The following CD22 variants were observed in gnomAD, a reference collection of about 807,000 sequenced individuals.
The protein encoded by CD22 is CD22 molecule, also known as B-cell receptor CD22.
A neutral mutation model predicts 94.7 loss-of-function variants in CD22; 51 were observed. The observed-to-expected ratio is 0.54, with a 90% CI of 0.43 to 0.68. The LOEUF is 0.68. Among genes scored for constraint, CD22 ranks in the 30% least tolerant of loss-of-function variants. The probability of loss-of-function intolerance (pLI) is 0.00; values close to 1 mark genes in which losing one functional copy is unlikely to be tolerated. For synonymous variants in CD22, 424 were observed against 422.5 expected (o/e 1.00, Z -0.04); for missense variants, 931 against 1,060.4 (o/e 0.88, Z 1.69).
rs770828068 is a variant in CD22 at position 35,331,992 on chromosome 19, C to T, written c.-22-27C>T. 12 of 1,613,472 alleles carry T rather than the reference C, an allele frequency of 7.4e-6. No homozygotes were observed. The African/African-American group carries it at 1.2e-4, about 16-fold the overall frequency. ...GTGGAAGAAGTAAGCGGCCAGATGG[C>T]TCAAAGACAAACTCTCCCCTGCTCA... On this transcript the variant is annotated intron_variant, in intron 1 of 13. Coordinates refer to ENST00000085219, the MANE Select transcript of CD22 (RefSeq NM_001771.4).
intron 9 of CD22, among the ~76,000 whole-genome samples, chr19:35,342,739 T>C (rs1397255643): frequency 6.6e-6 from 1 of 152,162 alleles, no homozygotes; most frequent in Non-Finnish European, 1.5e-5. Context: ...TCCTACTGGG[T>C]CCCTGTCTCT....
In CD22 at chr19:35,332,557, C is replaced by T. The variant is rs771006457; in HGVS notation, c.45C>T (p.Tyr15=). ...GPWLLLLVLE[Y]LAFSDSSKWV... ...GATCACTGTGGTGAGTTCTAGAATA[C>T]TTGGCTTTCTCTGACTCAAGTAAAT... The change falls in exon 3 of 14, where the codon TAC becomes TAT. Residue 15 remains tyrosine, a synonymous_variant. Transcript: ENST00000085219. The T allele has an allele frequency of 3.7e-6, 6 of 1,612,374 alleles. No homozygotes were observed. Among genetic ancestry groups the T allele is most frequent in the Admixed American group, 3.4e-5 (2 of 59,648 alleles).
chr19:35,333,619 G>A (rs962134084), intron 3 of CD22, among the ~76,000 whole-genome samples: 5 of 151,958 alleles, frequency 3.3e-5, no homozygotes, highest in Admixed American at 2.6e-4. Context: ...GTGCAGTGGC[G>A]CGATCTCAGC....
rs2066730652 is a variant in CD22 at position 35,336,722 on chromosome 19, G to A, written c.718+381G>A. 5 of 226,064 alleles carry A rather than the reference G, an allele frequency of 2.2e-5. No individual in the cohort carries two copies. The South Asian group carries it at 4.1e-4, about 18-fold the overall frequency. The allele number at this position is 226,064 out of a possible 1,614,324, so 14.0% of individuals were successfully genotyped here. A position where few individuals can be genotyped will look rare whatever the true frequency, so the allele number is the denominator to read the frequency against. ...GGCATGGGGCGGTGGGCAGGGTGCA[G>A]CAGTGAGCAAAACTCTTGCCCCACG... On this transcript the variant is annotated intron_variant, in intron 4 of 13. Coordinates refer to ENST00000085219, the MANE Select transcript of CD22 (RefSeq NM_001771.4).
intron 1 of CD22, 32 bp from the exon 2 acceptor site, chr19:35,331,987 G>C: frequency 6.2e-7 from 1 of 1,613,608 alleles, no homozygotes; most frequent in Middle Eastern, 1.7e-4. Context: ...TAAGCGGCCA[G>C]ATGGCTCAAA....
rs1195098390 is a variant in CD22, at chr19:35,342,058, CTTT to C, written c.2035+94_2035+96del. 5.0e-5 allele frequency: 55 copies of C among 1,094,104 alleles called. No homozygotes were observed. In the South Asian group the frequency reaches 5.6e-4, roughly 11 times the overall value. 67.8% of individuals were successfully genotyped at this position (1,094,104 alleles called of 1,614,324 possible). On this transcript the variant is annotated intron_variant, in intron 9 of 13. Transcript: ENST00000085219. ...CCTTCCTTCCTTCCTTCCTTCCTTT[CTTT>C]CTCTCTTTCTTTTCCTCCTCCTCTT...
At chr19:35,335,422 TG>T (rs1379477313) in intron 3 of CD22, among the ~76,000 whole-genome samples, 2 of 151,762 alleles carry the variant, frequency 1.3e-5, no homozygotes, top group Non-Finnish European at 2.9e-5. Flanking sequence ...CTAGGTGTGG[TG>T]GCACATGCCT....
At chr19:35,338,126 T>G (rs1599680580) in intron 5 of CD22, 42 bp from the exon 6 acceptor site, 1 of 1,580,318 alleles carries the variant, frequency 6.3e-7, no homozygotes, top group African/African-American at 1.3e-5. Flanking sequence ...AGGTTGGGGG[T>G]GCTCTCCTCA....
intron 6 of CD22, among the ~76,000 whole-genome samples, chr19:35,340,552 T>C (rs952016477): frequency 1.3e-5 from 2 of 152,122 alleles, no homozygotes; most frequent in African/African-American, 4.8e-5. Flanking sequence ...AGTGCTGAAA[T>C]TACAAGCGTG....
In CD22 at chr19:35,346,162, C is replaced by A. The variant is rs749017174; in HGVS notation, c.2339C>A (p.Ser780Tyr). The A allele has an allele frequency of 6.2e-7, 1 of 1,612,836 alleles. No homozygotes were observed. The highest frequency in any genetic ancestry group is 2.2e-5 in the East Asian group (1 of 44,878). The change falls in exon 13 of 14, where the codon TCC becomes TAC. Residue 780 changes from serine to tyrosine, a missense_variant. Transcript: ENST00000085219. ...GCCCTGTCTCTCAGAGATGCAGAGTCCTCAGAGATGCAGAGACCTCCCCCG... is the reference window on the plus strand; with the variant it reads ...GCCCTGTCTCTCAGAGATGCAGAGTACTCAGAGATGCAGAGACCTCCCCCG... ...MNIPRTGDAE[S>Y]SEMQRPPPDC...
At chr19:35,332,272 A>T in intron 2 of CD22, 198 bp downstream of exon 2, 1 of 650,890 alleles carries the variant, frequency 1.5e-6, no homozygotes, top group Non-Finnish European at 2.6e-6. Flanking sequence ...GTCTTTGTGT[A>T]TCTCTGTATT....
chr19:35,339,279 G>A lies in CD22; in HGVS notation c.1249+848G>A, dbSNP rs1000151437. Among the ~76,000 whole-genome samples, 7 of 151,876 alleles carry A rather than the reference G, an allele frequency of 4.6e-5. 1 individual carries two copies. The highest frequency in any genetic ancestry group is 3.9e-4 in the Admixed American group (6 of 15,242). ...ATGCTGGGACTGGGATTATAGGTGT[G>A]AGCTGGGCACAGTGGCTCACACTTG... On this transcript the variant is annotated intron_variant, in intron 6 of 13. Transcript: ENST00000085219.
intron 9 of CD22, among the ~76,000 whole-genome samples, chr19:35,344,240 G>A (rs1314655688): frequency 3.3e-5 from 5 of 152,220 alleles, no homozygotes; most frequent in Admixed American, 2.0e-4. Flanking sequence ...CAGCACGGCC[G>A]AAGGCCAAAG....
Position 35,338,312 on chromosome 19 carries a change from C to G in CD22, c.1130C>G (p.Thr377Arg), listed in dbSNP as rs755546038. The change falls in exon 6 of 14, where the codon ACA becomes AGA. Residue 377 changes from threonine to arginine, a missense_variant. Coordinates refer to ENST00000085219, the MANE Select transcript of CD22 (RefSeq NM_001771.4). ...YHNGKEMQGR[T>R]EEKVHIPKIL... ...AATGGGAAAGAAATGCAGGGAAGGACAGAGGAGAAAGTCCACATCCCAAAG... is the reference window on the plus strand; with the variant it reads ...AATGGGAAAGAAATGCAGGGAAGGAGAGAGGAGAAAGTCCACATCCCAAAG... 6.2e-7 allele frequency: 1 copy of G among 1,614,226 alleles called. No homozygotes were observed. Among genetic ancestry groups the G allele is most frequent in the East Asian group, 2.2e-5 (1 of 44,882 alleles).
At chr19:35,334,126 C>T (rs565435642) in intron 3 of CD22, among the ~76,000 whole-genome samples, 92 of 152,262 alleles carry the variant, frequency 6.0e-4, no homozygotes, top group African/African-American at 2.1e-3. Context: ...TTAGTGGGGG[C>T]TTTTATGAGT....
rs771602098 is a variant in CD22 at position 35,337,954 on chromosome 19, G to A, written c.918G>A (p.Lys306=). 1 of 1,614,218 alleles carries A rather than the reference G, an allele frequency of 6.2e-7. No individual in the cohort carries two copies. The highest frequency in any genetic ancestry group is 1.1e-5 in the South Asian group (1 of 91,086). Reference sequence around the variant, plus strand: ...AAGTGACCAAGGACCAGAGTGGGAAGTACTGCTGTCAGGTCTCCAATGACG... The same window carrying A: ...AAGTGACCAAGGACCAGAGTGGGAAATACTGCTGTCAGGTCTCCAATGACG... ...LREVTKDQSG[K]YCCQVSNDVG... Residue 306 remains lysine (K), a synonymous_variant, in exon 5 of 14, where the codon AAG becomes AAA. Coordinates refer to ENST00000085219, the MANE Select transcript of CD22 (RefSeq NM_001771.4). This position sits in a 1 kb window ranked among gnomAD's most constrained non-coding sequence, Gnocchi z 4.4.
chr19:35,336,590 C>T, intron 4 of CD22: 2 of 511,622 alleles, frequency 3.9e-6, no homozygotes, highest in East Asian at 6.5e-5. Context: ...TTTTGTTCCC[C>T]TCTTGGTGGG....
rs1163799754 is a variant in CD22, at chr19:35,340,993, T to C, written c.1362T>C (p.Tyr454=). Residue 454 remains tyrosine, a synonymous_variant, in exon 7 of 14, where the codon TAT becomes TAC. Transcript: ENST00000085219. ...YNSSNPSVTR[Y]EWKPHGAWEE... Reference sequence around the variant, plus strand: ...CCAGTAACCCCAGTGTTACCCGGTATGAATGGAAACCCCATGGCGCCTGGG... The same window carrying C: ...CCAGTAACCCCAGTGTTACCCGGTACGAATGGAAACCCCATGGCGCCTGGG... 12 of 1,614,146 alleles carry C rather than the reference T, an allele frequency of 7.4e-6. No homozygotes were observed. The highest frequency in any genetic ancestry group is 1.0e-5 in the Non-Finnish European group (12 of 1,180,010).
In CD22 at chr19:35,341,357, G is replaced by A. The variant is rs781099816; in HGVS notation, c.1522G>A (p.Val508Met). Reference protein sequence around the residue: ...ALNVQYAPRDVRVRKIKPLSE... With the variant: ...ALNVQYAPRDMRVRKIKPLSE... ...TTGCCCTCCAGATGCCCCCCGAGAC[G>A]TGAGGGTCCGGAAAATCAAGCCCCT... Residue 508 changes from valine (V) to methionine (M), a missense_variant, in exon 8 of 14, where the codon GTG becomes ATG. Transcript: ENST00000085219. This position sits in a 1 kb window ranked among gnomAD's most constrained non-coding sequence, Gnocchi z 4.0. 5.0e-6 allele frequency: 8 copies of A among 1,613,624 alleles called. No individual in the cohort carries two copies. The highest frequency in any genetic ancestry group is 4.5e-5 in the East Asian group (2 of 44,872).
Sources: allele counts gnomAD v4.1 joint callset (sites outside exome capture counted in the v4.1 genomes callset), GRCh38; gene constraint gnomAD v4.1.1; non-coding constraint Gnocchi (gnomAD v3.1); transcripts MANE v1.5; gene names NCBI Gene and HGNC (gene_info 2026-07-23, HGNC 2026-07-21).